Variants in QTGAL observed in about 807,000 individuals in gnomAD.
QTGAL encodes BGnT-like protein 1.
chr17:82,953,587 A>G, the QTGAL span, among the ~76,000 whole-genome samples: 2,029 of 152,324 alleles, frequency 0.013, 46 homozygotes, highest in African/African-American at 0.046. Context: ...CCAGAGGTAC[A>G]AAGAGGAGCT....
the QTGAL span, among the ~76,000 whole-genome samples, chr17:83,051,581 C>G: frequency 6.6e-6 from 1 of 152,150 alleles, no homozygotes; most frequent in Non-Finnish European, 1.5e-5. Context: ...CGCTCGCCCG[C>G]GGGGCCTAAG....
the QTGAL span, among the ~76,000 whole-genome samples, chr17:83,030,235 C>T: frequency 1.3e-5 from 2 of 152,190 alleles, no homozygotes; most frequent in South Asian, 2.1e-4. Context: ...TACGGACACC[C>T]CTACAGTACT....
At chr17:83,050,583 AAAAAAAC>A in the QTGAL span, among the ~76,000 whole-genome samples, 1 of 151,904 alleles carries the variant, frequency 6.6e-6, no homozygotes, top group African/African-American at 2.4e-5. Context: ...AAAAACAAAC[AAAAAAAC>A]AAAAAACAGA....
At chr17:83,018,071 C>T in the QTGAL span, among the ~76,000 whole-genome samples, 8 of 148,780 alleles carry the variant, frequency 5.4e-5, no homozygotes, top group South Asian at 6.4e-4. Flanking sequence ...AGGTACCACA[C>T]GTGCTCCGTG....
At chr17:83,015,865 C>G in the QTGAL span, among the ~76,000 whole-genome samples, 7 of 152,190 alleles carry the variant, frequency 4.6e-5, no homozygotes, top group African/African-American at 1.7e-4. The surrounding 1 kb of genome is among the most constrained non-coding windows in gnomAD (Gnocchi z 4.4). Flanking sequence ...AAAACCACGC[C>G]CCCCCACCAT....
chr17:83,021,956 A>C, the QTGAL span, among the ~76,000 whole-genome samples: 1 of 152,216 alleles, frequency 6.6e-6, no homozygotes, highest in Non-Finnish European at 1.5e-5. Flanking sequence ...ATAATTCCAC[A>C]GAGAAAGAAC....
the QTGAL span, among the ~76,000 whole-genome samples, chr17:82,988,205 T>A: frequency 1.3e-5 from 2 of 152,174 alleles, no homozygotes; most frequent in Non-Finnish European, 2.9e-5. Flanking sequence ...TATAGGATCA[T>A]GTTGTCTGCA....
chr17:82,964,426 T>G, the QTGAL span, among the ~76,000 whole-genome samples: 4 of 152,128 alleles, frequency 2.6e-5, no homozygotes, highest in Admixed American at 2.0e-4. Flanking sequence ...TAAGAAAATC[T>G]AACCAACATA....
At chr17:83,043,186 AT>A in the QTGAL span, among the ~76,000 whole-genome samples, 1 of 152,218 alleles carries the variant, frequency 6.6e-6, no homozygotes, top group Non-Finnish European at 1.5e-5. Flanking sequence ...TAGCAGAAAT[AT>A]ACAGAATACT....
At chr17:82,987,680 A>G in the QTGAL span, among the ~76,000 whole-genome samples, 4 of 152,188 alleles carry the variant, frequency 2.6e-5, no homozygotes, top group South Asian at 4.1e-4. Context: ...GTAGACTTGT[A>G]GTATAGTTTG....
At chr17:83,017,584 T>C in the QTGAL span, among the ~76,000 whole-genome samples, 1 of 152,174 alleles carries the variant, frequency 6.6e-6, no homozygotes, top group Non-Finnish European at 1.5e-5. Context: ...ATCACGCCAC[T>C]GCACTCCAGC....
At chr17:83,042,792 T>C in the QTGAL span, among the ~76,000 whole-genome samples, 16 of 152,346 alleles carry the variant, frequency 1.1e-4, no homozygotes, top group African/African-American at 3.6e-4. Context: ...ATCTAAATGC[T>C]GTCTATATGA....
chr17:82,999,683 G>A, the QTGAL span, among the ~76,000 whole-genome samples: 4 of 152,186 alleles, frequency 2.6e-5, no homozygotes, highest in Non-Finnish European at 5.9e-5. Context: ...GTACTGTACT[G>A]TATTTATTGA....
the QTGAL span, among the ~76,000 whole-genome samples, chr17:82,964,024 A>AGGG: frequency 2.4e-4 from 28 of 118,546 alleles, 1 homozygote; most frequent in Non-Finnish European, 3.8e-4. Context: ...TGGAAGGCTG[A>AGGG]GGTCGGGGGG....
chr17:83,020,981 G>A, the QTGAL span, among the ~76,000 whole-genome samples: 1 of 152,218 alleles, frequency 6.6e-6, no homozygotes, highest in Admixed American at 6.5e-5. Context: ...ATACTTTATA[G>A]AGTCATACAT....
the QTGAL span, among the ~76,000 whole-genome samples, chr17:82,987,270 C>T: frequency 9.9e-5 from 15 of 151,790 alleles, no homozygotes; most frequent in East Asian, 3.9e-4. Flanking sequence ...CAAATGTTAG[C>T]GAGAAAAAGG....
chr17:83,013,517 C>CT, the QTGAL span, among the ~76,000 whole-genome samples: 1 of 149,718 alleles, frequency 6.7e-6, no homozygotes, highest in African/African-American at 2.5e-5. Context: ...CCTTGCCCCC[C>CT]TGCCCGACCC....
the QTGAL span, among the ~76,000 whole-genome samples, chr17:82,976,919 G>C: frequency 1.3e-5 from 1 of 77,338 alleles, no homozygotes; most frequent in Admixed American, 1.4e-4. Context: ...ATCCTCCCAG[G>C]GGCTGGAGGC....
At chr17:82,952,598 C>T in the QTGAL span, among the ~76,000 whole-genome samples, 1 of 152,230 alleles carries the variant, frequency 6.6e-6, no homozygotes, top group South Asian at 2.1e-4. Context: ...CTTAGGCAAC[C>T]ACACAATAAT....
Sources: allele counts gnomAD v4.1 joint callset (sites outside exome capture counted in the v4.1 genomes callset), GRCh38; gene constraint gnomAD v4.1.1; non-coding constraint Gnocchi (gnomAD v3.1); transcripts MANE v1.5; gene names NCBI Gene and HGNC (gene_info 2026-07-23, HGNC 2026-07-21).